Variants in ZNF423 observed in about 807,000 individuals in gnomAD.
The protein encoded by ZNF423 is zinc finger protein 423, also known as Ebf-associated zinc finger protein.
Under a neutral mutation model 95.8 loss-of-function variants are expected in ZNF423, and 12 were observed. That is an observed-to-expected ratio of 0.13 (90% CI 0.08 to 0.20). The LOEUF (loss-of-function observed/expected upper bound fraction) is 0.20. ZNF423 is among the 10% of genes least tolerant of loss of function. ZNF423 has a pLI of 1.00. For synonymous variants in ZNF423, 749 were observed against 711.9 expected (o/e 1.05, Z -0.83); for missense variants, 1,316 against 1,737.1 (o/e 0.76, Z 4.31).
At chr16:49,494,252 CACTCAAGAAAGA>C (rs1167433557) in intron 7 of ZNF423, among the ~76,000 whole-genome samples, 1 of 152,238 alleles carries the variant, frequency 6.6e-6, no homozygotes, top group African/African-American at 2.4e-5. Context: ...TCTGAGGTTA[CACTCAAGAAAGA>C]ACTTCCTCCT....
At chr16:49,824,300 C>A (rs1300695826) in intron 1 of ZNF423, among the ~76,000 whole-genome samples, 1 of 152,004 alleles carries the variant, frequency 6.6e-6, no homozygotes, top group Non-Finnish European at 1.5e-5. Context: ...GAGATTAGAG[C>A]CCCCCTGTCA....
At chr16:49,763,455 T>C (rs1484324682) in intron 2 of ZNF423, among the ~76,000 whole-genome samples, 3 of 152,040 alleles carry the variant, frequency 2.0e-5, no homozygotes, top group African/African-American at 7.2e-5. Flanking sequence ...TTGTATTTTT[T>C]CTAGACATGG....
chr16:49,673,727 G>T (rs1001091205), intron 3 of ZNF423, among the ~76,000 whole-genome samples: 1 of 152,324 alleles, frequency 6.6e-6, no homozygotes, highest in Admixed American at 6.5e-5. Context: ...CTGCCCATGG[G>T]GGGCTACAAA....
At chr16:49,678,459 T>C (rs1360942860) in intron 3 of ZNF423, among the ~76,000 whole-genome samples, 1 of 152,210 alleles carries the variant, frequency 6.6e-6, no homozygotes. Context: ...AAAGTCCCTG[T>C]CCTCGTGGAG....
chr16:49,590,716 G>A (rs1426649387), intron 5 of ZNF423, among the ~76,000 whole-genome samples: 3 of 152,078 alleles, frequency 2.0e-5, no homozygotes, highest in Admixed American at 6.5e-5. Context: ...AGCGTCCCCC[G>A]CCTGCTCACA....
At chr16:49,589,635 C>T (rs1000765006) in intron 5 of ZNF423, among the ~76,000 whole-genome samples, 13 of 152,064 alleles carry the variant, frequency 8.5e-5, no homozygotes, top group South Asian at 2.1e-4. Flanking sequence ...AGGGGCTCAG[C>T]GGTTTCAAAA....
intron 1 of ZNF423, among the ~76,000 whole-genome samples, chr16:49,814,190 A>C (rs1371455084): frequency 6.6e-6 from 1 of 150,996 alleles, no homozygotes; most frequent in African/African-American, 2.4e-5. Context: ...CCTCAGCAGC[A>C]GTGGGACTCC....
chr16:49,624,775 C>G (rs950205772), intron 5 of ZNF423, among the ~76,000 whole-genome samples: 6 of 152,108 alleles, frequency 3.9e-5, no homozygotes, highest in Non-Finnish European at 7.4e-5. Context: ...ATTCCATTTC[C>G]ATAAACTAGA....
chr16:49,758,293 C>T (rs1447692235), intron 2 of ZNF423, among the ~76,000 whole-genome samples: 1 of 152,180 alleles, frequency 6.6e-6, no homozygotes, highest in African/African-American at 2.4e-5. Flanking sequence ...CACCCGCCAC[C>T]ATGCCTGGCT....
chr16:49,855,455 C>G lies in ZNF423; in HGVS notation c.40+280G>C, dbSNP rs2035352244. On this transcript the variant is annotated intron_variant, in intron 1 of 7. Transcript: ENST00000563137. The surrounding 1 kb of genome is among the most constrained non-coding windows in gnomAD (Gnocchi z 4.7). ...CTTAGCGGCGCCCCCAGGCCTGGGTCCCCCAAGGGCGACGGCGCCGAGTCC... is the reference window on the plus strand; with the variant it reads ...CTTAGCGGCGCCCCCAGGCCTGGGTGCCCCAAGGGCGACGGCGCCGAGTCC... Among the ~76,000 whole-genome samples, 2 of 151,226 alleles carry G rather than the reference C, an allele frequency of 1.3e-5. No individual in the cohort carries two copies. Among genetic ancestry groups the G allele is most frequent in the Admixed American group, 1.3e-4 (2 of 15,220 alleles).
At chr16:49,750,561 G>T (rs561729733) in intron 2 of ZNF423, among the ~76,000 whole-genome samples, 1 of 152,306 alleles carries the variant, frequency 6.6e-6, no homozygotes, top group South Asian at 2.1e-4. Flanking sequence ...GAAGAGAGGC[G>T]CAGGGGCATT....
chr16:49,601,507 C>T (rs1196537034), intron 5 of ZNF423, among the ~76,000 whole-genome samples: 2 of 152,224 alleles, frequency 1.3e-5, no homozygotes, highest in African/African-American at 4.8e-5. Context: ...TGAAATGCTC[C>T]TTACTCCAAT....
intron 5 of ZNF423, among the ~76,000 whole-genome samples, chr16:49,602,480 A>C (rs1596701888): frequency 6.6e-6 from 1 of 152,336 alleles, no homozygotes; most frequent in East Asian, 1.9e-4. Flanking sequence ...GAAGGTGTCC[A>C]TAGACCAGGG....
intron 3 of ZNF423, among the ~76,000 whole-genome samples, chr16:49,727,356 G>A (rs931715042): frequency 4.6e-5 from 7 of 152,068 alleles, no homozygotes; most frequent in East Asian, 1.9e-4. Context: ...GTCTTCCATC[G>A]TGGCCATTCT....
intron 3 of ZNF423, among the ~76,000 whole-genome samples, chr16:49,677,154 G>A (rs773920221): frequency 4.0e-5 from 6 of 149,134 alleles, no homozygotes; most frequent in Non-Finnish European, 7.4e-5. Flanking sequence ...GGAGGCGAAG[G>A]CTGCAGTGAG....
intron 2 of ZNF423, among the ~76,000 whole-genome samples, chr16:49,782,619 T>C (rs2034231442): frequency 6.6e-6 from 1 of 152,224 alleles, no homozygotes; most frequent in Admixed American, 6.5e-5. Context: ...TGCCCAGGCA[T>C]TCACAAGAAG....
chr16:49,652,581 A>G (rs977138238), intron 3 of ZNF423, among the ~76,000 whole-genome samples: 2 of 152,178 alleles, frequency 1.3e-5, no homozygotes, highest in Non-Finnish European at 2.9e-5. Context: ...CCGCCTCTTC[A>G]CAAGGAGTTG....
chr16:49,662,446 C>A (rs1446081667), intron 3 of ZNF423, among the ~76,000 whole-genome samples: 1 of 152,164 alleles, frequency 6.6e-6, no homozygotes, highest in Non-Finnish European at 1.5e-5. Context: ...GATATGGCAG[C>A]CATTTTTTAA....
intron 1 of ZNF423, among the ~76,000 whole-genome samples, chr16:49,800,064 C>T (rs2034558251): frequency 6.6e-6 from 1 of 152,076 alleles, no homozygotes; most frequent in Non-Finnish European, 1.5e-5. Flanking sequence ...GCCAACATGG[C>T]AAAACCCTGT....
Sources: allele counts gnomAD v4.1 joint callset (sites outside exome capture counted in the v4.1 genomes callset), GRCh38; gene constraint gnomAD v4.1.1; non-coding constraint Gnocchi (gnomAD v3.1); transcripts MANE v1.5; gene names NCBI Gene and HGNC (gene_info 2026-07-23, HGNC 2026-07-21).